The following SNRPA variants were observed in gnomAD, a reference collection of about 807,000 sequenced individuals.
The protein encoded by SNRPA is small nuclear ribonucleoprotein polypeptide A.
Under a neutral mutation model 24.5 loss-of-function variants are expected in SNRPA, and 10 were observed. The ratio of observed to expected loss-of-function variants is 0.41; its 90% CI spans 0.25 to 0.69. The LOEUF (loss-of-function observed/expected upper bound fraction) is 0.69. Ranked by LOEUF, SNRPA falls within the 30% of genes least tolerant of loss-of-function variation. The pLI is 0.33. For synonymous variants in SNRPA, 165 were observed against 148.4 expected, an observed-to-expected ratio of 1.11 and a Z score of -0.81; for missense variants, 283 against 394.7, an observed-to-expected ratio of 0.72 and a Z score of 2.40.
At position 40,762,957 on chromosome 19, in the gene SNRPA, G is replaced by A. The variant is rs374030639; in HGVS notation, c.483G>A (p.Pro161=). ...TTATGCACCACATGCCGGGCCAGCC[G>A]CCCTACATGCCGCCCCCTGGTATGA... The part of the protein sequence containing the change: ...PRIMHHMPGQ[P]PYMPPPGMIP... The change falls in exon 4 of 6, where the codon CCG becomes CCA. Residue 161 remains proline, a synonymous_variant. Coordinates refer to ENST00000243563, the MANE Select transcript of SNRPA (RefSeq NM_004596.5). 3.2e-5 allele frequency: 52 copies of A among 1,613,522 alleles called. No homozygotes were observed. Among genetic ancestry groups the A allele is most frequent in the Non-Finnish European group, 4.0e-5 (47 of 1,179,874 alleles).
At chr19:40,764,562 C>G (rs963776373) in intron 5 of SNRPA, among the ~76,000 whole-genome samples, 3 of 152,130 alleles carry the variant, frequency 2.0e-5, no homozygotes, top group African/African-American at 7.2e-5. Flanking sequence ...TGCGGTGGCT[C>G]ACGCCTAAAA....
At chr19:40,764,436 T>G (rs919460293) in intron 5 of SNRPA, among the ~76,000 whole-genome samples, 1 of 152,022 alleles carries the variant, frequency 6.6e-6, no homozygotes, top group African/African-American at 2.4e-5. Flanking sequence ...AGAATGCCGA[T>G]GGAAAAAAGG....
intron 5 of SNRPA, among the ~76,000 whole-genome samples, chr19:40,764,118 G>C (rs140602834): frequency 5.9e-5 from 9 of 152,334 alleles, no homozygotes; most frequent in Non-Finnish European, 1.3e-4. Context: ...GTGGAGGCCG[G>C]TGCAGCCGAT....
Position 40,765,129 on chromosome 19 carries a change from C to A in SNRPA, c.811C>A (p.Gln271Lys). 1 of 1,557,100 alleles carries A rather than the reference C, an allele frequency of 6.4e-7. No individual in the cohort carries two copies. Among genetic ancestry groups the A allele is most frequent in the Admixed American group, 2.0e-5 (1 of 50,294 alleles). The change falls in exon 6 of 6, where the codon CAG becomes AAG. Residue 271 changes from glutamine (Q) to lysine (K), a missense_variant. Coordinates refer to ENST00000243563, the MANE Select transcript of SNRPA (RefSeq NM_004596.5). ...TGCCCTGCAGGGCTTTAAGATCACG[C>A]AGAACAACGCCATGAAGATCTCCTT... ...RDALQGFKIT[Q>K]NNAMKISFAK...
intron 2 of SNRPA, among the ~76,000 whole-genome samples, chr19:40,759,027 G>C (rs994036539): frequency 2.0e-5 from 3 of 151,748 alleles, no homozygotes; most frequent in African/African-American, 7.3e-5. Flanking sequence ...GGCCAACATG[G>C]TGAAACCCTG....
At chr19:40,758,204 T>C (rs1258771302) in intron 2 of SNRPA, among the ~76,000 whole-genome samples, 5 of 152,020 alleles carry the variant, frequency 3.3e-5, no homozygotes, top group African/African-American at 1.2e-4. Flanking sequence ...TGAGCTCAAG[T>C]GATCTGCCTG....
rs1439757329 is a variant in SNRPA, at chr19:40,764,971, A to C, written c.690-37A>C. On this transcript the variant is annotated intron_variant, in intron 5 of 5. Transcript: ENST00000243563. ...CACTTGATGCCGTTACGTTAGGGGGAAATGCTGAGTCCCTGAGGTCTGTCG... is the reference window on the plus strand; with the variant it reads ...CACTTGATGCCGTTACGTTAGGGGGCAATGCTGAGTCCCTGAGGTCTGTCG... The C allele has an allele frequency of 6.7e-6, 10 of 1,495,366 alleles. No individual in the cohort carries two copies. In the Admixed American group the frequency reaches 2.4e-4, roughly 35 times the overall value. 92.6% of individuals were successfully genotyped at this position (1,495,366 alleles called of 1,614,324 possible).
chr19:40,757,300 G>A (rs1418466640), intron 1 of SNRPA, 32 bp from the exon 2 acceptor site: 1 of 1,610,520 alleles, frequency 6.2e-7, no homozygotes, highest in Non-Finnish European at 8.5e-7. Context: ...CTAAAAAGGG[G>A]AGCTCAAAGG....
intron 5 of SNRPA, among the ~76,000 whole-genome samples, chr19:40,764,297 A>C (rs1198115976): frequency 6.6e-6 from 1 of 152,180 alleles, no homozygotes; most frequent in Non-Finnish European, 1.5e-5. Flanking sequence ...ACCATGCTGC[A>C]CTGCGTGGCA....
intron 1 of SNRPA, 187 bp downstream of exon 1, chr19:40,751,668 G>A (rs1003732966): frequency 1.7e-6 from 1 of 592,748 alleles, no homozygotes; most frequent in Non-Finnish European, 3.1e-6. Flanking sequence ...GCCCTTTAAC[G>A]TGGTCACTGC....
At position 40,762,896 on chromosome 19, in the gene SNRPA, C is replaced by A. The variant is rs975356493; in HGVS notation, c.427-5C>A. On this transcript the variant is annotated splice_region_variant and splice_polypyrimidine_tract_variant and intron_variant, in intron 3 of 5. Coordinates refer to ENST00000243563, the MANE Select transcript of SNRPA (RefSeq NM_004596.5). ...AACCACGCACTCTCCTCCCTCTCTC[C>A]ACAGGGCATGCCGCCGATGACTCAG... 2 of 1,613,230 alleles carry A rather than the reference C, an allele frequency of 1.2e-6. No individual in the cohort carries two copies. Among genetic ancestry groups the A allele is most frequent in the South Asian group, 2.2e-5 (2 of 91,002 alleles).
chr19:40,763,117 A>G, intron 4 of SNRPA, 43 bp downstream of exon 4: 1 of 1,448,876 alleles, frequency 6.9e-7, no homozygotes, highest in Non-Finnish European at 9.3e-7. Context: ...ATAAATAGTG[A>G]GAATACAGGA....
At position 40,752,789 on chromosome 19, in the gene SNRPA, A is replaced by G. The variant is rs1036064183; in HGVS notation, c.73+1308A>G. ...AAAAGAACTCAATTATTGAAATCGGAAAGACTCTCTCACATTCTCAAGTAA... is the reference window on the plus strand; with the variant it reads ...AAAAGAACTCAATTATTGAAATCGGGAAGACTCTCTCACATTCTCAAGTAA... On this transcript the variant is annotated intron_variant, in intron 1 of 5. Transcript: ENST00000243563. 2.6e-5 allele frequency among the ~76,000 whole-genome samples: 4 copies of G among 152,050 alleles called. No individual in the cohort carries two copies. The East Asian group carries it at 7.7e-4, about 29-fold the overall frequency.
chr19:40,763,725 G>A (rs2082942995), intron 5 of SNRPA, 50 bp downstream of exon 5: 1 of 1,439,100 alleles, frequency 6.9e-7, no homozygotes. Flanking sequence ...TGGCCAGGAG[G>A]CATCTCCATG....
At chr19:40,762,792 T>C in intron 3 of SNRPA, 109 bp from the exon 4 acceptor site, 1 of 1,204,718 alleles carries the variant, frequency 8.3e-7, no homozygotes, top group South Asian at 1.4e-5. Flanking sequence ...TTTGCGCCTC[T>C]TTCTGGGTGT....
chr19:40,753,382 ATGTTTTTTT>A lies in SNRPA; in HGVS notation c.73+1903_73+1911del, dbSNP rs1314749616. 6.1e-4 allele frequency among the ~76,000 whole-genome samples: 38 copies of A among 62,208 alleles called. 1 individual carries two copies. Among genetic ancestry groups the A allele is most frequent in the African/African-American group, 2.0e-3 (37 of 18,302 alleles). The allele number at this position is 62,208 out of a possible 152,430, so 40.8% of individuals were successfully genotyped here. On this transcript the variant is annotated intron_variant, in intron 1 of 5. Coordinates refer to ENST00000243563, the MANE Select transcript of SNRPA (RefSeq NM_004596.5). ...AAAATCAGGAGTGTAAATTTTGCAT[ATGTTTTTTT>A]TTTTTTTTTTTTTTTTTTTTTTTGA...
chr19:40,753,438 C>G (rs1436836048), intron 1 of SNRPA, among the ~76,000 whole-genome samples: 1 of 115,496 alleles, frequency 8.7e-6, no homozygotes, highest in Admixed American at 1.1e-4. Context: ...ACTCTGTCAC[C>G]CAGGCTGGAG....
rs557748417 is a variant in SNRPA, at chr19:40,751,540, G to A, written c.73+59G>A. 230 of 1,209,354 alleles carry A rather than the reference G, an allele frequency of 1.9e-4. No individual in the cohort carries two copies. The African/African-American group carries it at 3.1e-3, about 16-fold the overall frequency. 74.9% of individuals were successfully genotyped at this position (1,209,354 alleles called of 1,614,324 possible). Reference sequence around the variant, plus strand: ...TCCCGCACGGGCTGGCCCCTCTTCCGTCCCCTGCACCCGCCTCTCTTTCTA... The same window carrying A: ...TCCCGCACGGGCTGGCCCCTCTTCCATCCCCTGCACCCGCCTCTCTTTCTA... On this transcript the variant is annotated intron_variant, in intron 1 of 5. Coordinates refer to ENST00000243563, the MANE Select transcript of SNRPA (RefSeq NM_004596.5).
chr19:40,756,903 A>C (rs541790933), intron 1 of SNRPA: 5 of 190,120 alleles, frequency 2.6e-5, no homozygotes, highest in Non-Finnish European at 5.6e-5. Context: ...CCTGGGGCAA[A>C]ATTGGTGTGT....
Sources: gnomAD v4.1 joint callset for allele counts (sites outside exome capture counted in the v4.1 genomes callset) on GRCh38, gnomAD v4.1.1 for gene constraint, MANE v1.5 for transcripts, NCBI Gene and HGNC (gene_info 2026-07-23, HGNC 2026-07-21) for gene names.